The following SKAP2 variants were observed in gnomAD, a reference collection of about 807,000 sequenced individuals.
SKAP2 encodes the protein src kinase-associated phosphoprotein 2.
In SKAP2, 28 loss-of-function variants were observed where a neutral mutation model predicts 54.9. The ratio of observed to expected loss-of-function variants is 0.51; its 90% CI spans 0.38 to 0.70. The LOEUF (loss-of-function observed/expected upper bound fraction) is 0.70. Ranked by LOEUF, SKAP2 falls within the 30% of genes least tolerant of loss-of-function variation. SKAP2 has a pLI of 0.00. For missense variants in SKAP2, 356 were observed against 424.1 expected (o/e 0.84, Z 1.41); for synonymous variants, 137 against 134.3 (o/e 1.02, Z -0.14).
At position 26,728,913 on chromosome 7, in the gene SKAP2, T is replaced by C. The variant is rs184936316; in HGVS notation, c.470-1907A>G. ...CCAGGTCCATCTGACCTAAAACCTA[T>C]GCCTTCTACCTCCAATTTCGGTCTA... On this transcript the variant is annotated intron_variant, in intron 6 of 12. Coordinates refer to ENST00000345317, the MANE Select transcript of SKAP2 (RefSeq NM_003930.5). Among the ~76,000 whole-genome samples the C allele has an allele frequency of 3.9e-5, 6 of 152,212 alleles. No homozygotes were observed. The East Asian group carries it at 1.2e-3, about 29-fold the overall frequency.
At chr7:26,698,433 T>C (rs983486978) in intron 9 of SKAP2, among the ~76,000 whole-genome samples, 1 of 152,202 alleles carries the variant, frequency 6.6e-6, no homozygotes, top group Non-Finnish European at 1.5e-5. Flanking sequence ...AGAGCAATGA[T>C]GGGTAAAACT....
At chr7:26,805,310 C>T (rs985201380) in intron 4 of SKAP2, among the ~76,000 whole-genome samples, 1 of 152,150 alleles carries the variant, frequency 6.6e-6, no homozygotes, top group Non-Finnish European at 1.5e-5. Context: ...ATTTCTGTTA[C>T]CAGTGATTAC....
Position 26,846,927 on chromosome 7 carries a change from C to T in SKAP2, c.200-2790G>A, listed in dbSNP as rs139427608. On this transcript the variant is annotated intron_variant, in intron 3 of 12. Transcript: ENST00000345317. ...AACCTGGGAGGCGGTGAGCCAAGATCATGCCACTGCAGTGGGCCAAGATTA... is the reference window on the plus strand; with the variant it reads ...AACCTGGGAGGCGGTGAGCCAAGATTATGCCACTGCAGTGGGCCAAGATTA... Among the ~76,000 whole-genome samples the T allele has an allele frequency of 4.5e-3, 682 of 152,232 alleles. 3 individuals carry two copies. The highest frequency in any genetic ancestry group is 8.3e-3 in the Non-Finnish European group (564 of 68,000).
chr7:26,774,108 T>A (rs1783247733), intron 4 of SKAP2, among the ~76,000 whole-genome samples: 1 of 151,812 alleles, frequency 6.6e-6, no homozygotes, highest in African/African-American at 2.4e-5. Context: ...AAGTCAGGAG[T>A]TCGAGATCAG....
chr7:26,789,440 A>C (rs1376841958), intron 4 of SKAP2, among the ~76,000 whole-genome samples: 1 of 152,236 alleles, frequency 6.6e-6, no homozygotes, highest in Non-Finnish European at 1.5e-5. Flanking sequence ...ATCTGCTTTA[A>C]GTTGACGTAC....
chr7:26,806,519 G>T (rs1784027189), intron 4 of SKAP2, among the ~76,000 whole-genome samples: 1 of 152,190 alleles, frequency 6.6e-6, no homozygotes, highest in African/African-American at 2.4e-5. Context: ...AGGCTGCAAA[G>T]CAAACAAACA....
downstream of SKAP2, among the ~76,000 whole-genome samples, chr7:26,666,209 A>G (rs143427038): frequency 0.015 from 2,215 of 152,240 alleles, 54 homozygotes; most frequent in African/African-American, 0.05. Flanking sequence ...CAAATGACTG[A>G]TTTATCTGAA....
At chr7:26,796,374 C>T (rs1387680295) in intron 4 of SKAP2, among the ~76,000 whole-genome samples, 2 of 152,204 alleles carry the variant, frequency 1.3e-5, no homozygotes, top group Non-Finnish European at 2.9e-5. Flanking sequence ...GAGTAGTTCA[C>T]CTCTCCAGTA....
chr7:26,762,806 T>A (rs2127971551), intron 4 of SKAP2, among the ~76,000 whole-genome samples: 1 of 152,354 alleles, frequency 6.6e-6, no homozygotes, highest in Non-Finnish European at 1.5e-5. Context: ...AAGAAATTTA[T>A]AACCTCTTTC....
At chr7:26,676,515 G>A (rs1161973176) in intron 11 of SKAP2, among the ~76,000 whole-genome samples, 2 of 152,112 alleles carry the variant, frequency 1.3e-5, no homozygotes, top group Admixed American at 6.6e-5. Context: ...TTATTATGTT[G>A]AGCCTCGATT....
intron 10 of SKAP2, among the ~76,000 whole-genome samples, chr7:26,689,285 C>G (rs941189991): frequency 2.0e-5 from 3 of 152,166 alleles, no homozygotes; most frequent in African/African-American, 7.2e-5. Context: ...TATGGCAGAC[C>G]TTGCCCCAGC....
At chr7:26,836,948 A>G (rs1367105002) in intron 4 of SKAP2, among the ~76,000 whole-genome samples, 2 of 152,198 alleles carry the variant, frequency 1.3e-5, no homozygotes, top group Non-Finnish European at 2.9e-5. Context: ...AAATGCATCA[A>G]TGATAGACTG....
intron 4 of SKAP2, among the ~76,000 whole-genome samples, chr7:26,758,691 T>C (rs770257914): frequency 4.6e-5 from 7 of 152,330 alleles, no homozygotes; most frequent in East Asian, 3.9e-4. Context: ...GCAAGACAGA[T>C]GATTTCTTAA....
intron 9 of SKAP2, among the ~76,000 whole-genome samples, chr7:26,716,644 T>G (rs1787449293): frequency 6.6e-6 from 1 of 152,244 alleles, no homozygotes; most frequent in African/African-American, 2.4e-5. Context: ...ATTTCTTGTT[T>G]GTTGCCTTCT....
chr7:26,815,820 T>C (rs745623819), intron 4 of SKAP2, among the ~76,000 whole-genome samples: 2 of 152,148 alleles, frequency 1.3e-5, no homozygotes, highest in African/African-American at 4.8e-5. Flanking sequence ...TAAAACAGTA[T>C]ATAGTAAAAA....
At chr7:26,707,335 G>T (rs1787184945) in intron 9 of SKAP2, among the ~76,000 whole-genome samples, 1 of 151,830 alleles carries the variant, frequency 6.6e-6, no homozygotes, top group Non-Finnish European at 1.5e-5. Flanking sequence ...ACTCCAGCCT[G>T]GGTGACAGAG....
intron 9 of SKAP2, among the ~76,000 whole-genome samples, chr7:26,699,139 T>C (rs957860386): frequency 6.6e-6 from 1 of 152,240 alleles, no homozygotes; most frequent in Non-Finnish European, 1.5e-5. Flanking sequence ...TTCATTGGTA[T>C]GGTTTCAGAT....
intron 4 of SKAP2, among the ~76,000 whole-genome samples, chr7:26,747,639 C>A (rs1782585196): frequency 6.6e-6 from 1 of 152,126 alleles, no homozygotes; most frequent in African/African-American, 2.4e-5. Flanking sequence ...TAGCTACATG[C>A]ATGTAAGATA....
chr7:26,769,267 C>T lies in SKAP2; in HGVS notation c.308-29303G>A, dbSNP rs1471922956. Among the ~76,000 whole-genome samples, 6 of 152,298 alleles carry T rather than the reference C, an allele frequency of 3.9e-5. No individual in the cohort carries two copies. In the East Asian group the frequency reaches 1.2e-3, roughly 29 times the overall value. ...ATTTGGCTATTGATACTTGGGTATG[C>T]TTCATGAAGTTCTCATGCTGTGTTT... is the stretch of plus-strand genomic sequence containing the variant. On this transcript the variant is annotated intron_variant, in intron 4 of 12. Coordinates refer to ENST00000345317, the MANE Select transcript of SKAP2 (RefSeq NM_003930.5).
Sources: gnomAD v4.1 joint callset for allele counts (sites outside exome capture counted in the v4.1 genomes callset) on GRCh38, gnomAD v4.1.1 for gene constraint, MANE v1.5 for transcripts, NCBI Gene and HGNC (gene_info 2026-07-23, HGNC 2026-07-21) for gene names.